KIR2DL1: variants seen among roughly 807,000 people sequenced by gnomAD.
KIR2DL1 encodes killer cell immunoglobulin-like receptor 2DL1.
Under a neutral mutation model 33.9 loss-of-function variants are expected in KIR2DL1, and 38 were observed. The observed-to-expected ratio is 1.12, with a 90% CI of 0.86 to 1.47. The LOEUF (loss-of-function observed/expected upper bound fraction) is 1.47, where lower values mean the gene tolerates loss of function less well. Ranked by LOEUF, KIR2DL1 falls within the 40% of genes most tolerant of loss-of-function variation. The pLI is 0.00. For missense variants in KIR2DL1, 531 were observed against 433.9 expected, an observed-to-expected ratio of 1.22 and a Z score of -1.99; for synonymous variants, 179 against 165.9, an observed-to-expected ratio of 1.08 and a Z score of -0.61.
At position 54,774,299 on chromosome 19, in the gene KIR2DL1, G is replaced by A. The variant is rs1349912791; in HGVS notation, c.370+667G>A. Among the ~76,000 whole-genome samples the A allele has an allele frequency of 1.4e-5, 2 of 148,040 alleles. 1 individual carries two copies. The highest frequency in any genetic ancestry group is 3.0e-5 in the Non-Finnish European group (2 of 66,142). ...TAAACACACAGAGAATGAGCCAGAG[G>A]AAGGAGATTGAGAGACTCACAGACA... On this transcript the variant is annotated intron_variant, in intron 3 of 7. Coordinates refer to ENST00000336077, the MANE Select transcript of KIR2DL1 (RefSeq NM_014218.3).
rs2756923 is a variant in KIR2DL1 at position 54,783,763 on chromosome 19, A to C, written c.997A>C (p.Thr333Pro). The C allele has an allele frequency of 2.5e-6, 4 of 1,612,486 alleles. No homozygotes were observed. The highest frequency in any genetic ancestry group is 3.4e-6 in the Non-Finnish European group (4 of 1,179,476). The change falls in exon 8 of 8, where the codon ACG becomes CCG. Residue 333 changes from threonine (T) to proline (P), a missense_variant. Coordinates refer to ENST00000336077, the MANE Select transcript of KIR2DL1 (RefSeq NM_014218.3). ...ACCCCCAACAGATATCATCGTGTACACGGAACTTCCAAATGCTGAGTCCAG... is the reference window on the plus strand; with the variant it reads ...ACCCCCAACAGATATCATCGTGTACCCGGAACTTCCAAATGCTGAGTCCAG... ...KTPPTDIIVY[T>P]ELPNAESRSK...
In KIR2DL1 at chr19:54,778,773, C is replaced by T. The variant is rs530298930; in HGVS notation, c.715+111C>T. The T allele has an allele frequency of 2.9e-5, 36 of 1,251,428 alleles. No individual in the cohort carries two copies. In the African/African-American group the frequency reaches 4.0e-4, roughly 14 times the overall value. 77.5% of individuals were successfully genotyped at this position (1,251,428 alleles called of 1,614,324 possible). On this transcript the variant is annotated intron_variant, in intron 5 of 7. Transcript: ENST00000336077. ...GCTCTGACATTGTACACTTGTCTTC[C>T]ACCATCTCCGAACTCCAGATACTCC...
At chr19:54,774,813 A>G (rs1345563850) in intron 3 of KIR2DL1, among the ~76,000 whole-genome samples, 2 of 148,648 alleles carry the variant, frequency 1.3e-5, no homozygotes, top group East Asian at 1.9e-4. Context: ...AGATAAATAG[A>G]TAGATCGATA....
At chr19:54,782,090 A>C (rs2077028937) in intron 5 of KIR2DL1, among the ~76,000 whole-genome samples, 1 of 151,958 alleles carries the variant, frequency 6.6e-6, no homozygotes, top group South Asian at 2.1e-4. Context: ...AAGGCTCAGA[A>C]AAGCTCCTCG....
At chr19:54,776,979 C>G (rs1440726060) in intron 4 of KIR2DL1, among the ~76,000 whole-genome samples, 2 of 150,262 alleles carry the variant, frequency 1.3e-5, no homozygotes, top group Admixed American at 6.7e-5. Context: ...TACTTTTCTC[C>G]GTAATGGCTG....
At chr19:54,774,064 GAT>G (rs796945601) in intron 3 of KIR2DL1, among the ~76,000 whole-genome samples, 4 of 147,830 alleles carry the variant, frequency 2.7e-5, no homozygotes, top group Admixed American at 6.8e-5. Flanking sequence ...GGCACCTACA[GAT>G]GCCATGTTTA....
In KIR2DL1 at chr19:54,783,528, C is replaced by T. The variant is rs199605812; in HGVS notation, c.860C>T (p.Ala287Val). The T allele has an allele frequency of 8.9e-5, 144 of 1,613,286 alleles. 1 individual carries two copies. The highest frequency in any genetic ancestry group is 1.6e-4 in the Middle Eastern group (1 of 6,062). Residue 287 changes from alanine (A) to valine (V), a missense_variant, in exon 7 of 8, where the codon GCG (alanine) becomes GTG (valine). Coordinates refer to ENST00000336077, the MANE Select transcript of KIR2DL1 (RefSeq NM_014218.3). The stretch of plus-strand genomic sequence containing the variant: ...CAAGAGTCTGCAGGAAACAGAACAG[C>T]GAATAGCGAGGTAGGTACTCCTCGG... ...MDQESAGNRT[A>V]NSEDSDEQDP...
At position 54,770,208 on chromosome 19, in the gene KIR2DL1, G is replaced by T. The variant is rs1295854938; in HGVS notation, c.34+324G>T. ...ATATGGGCCTGGAGTGGAGTCATGG[G>T]CCTGGAGGTGGAGTTATGGGCCTGC... is the stretch of plus-strand genomic sequence containing the variant. On this transcript the variant is annotated intron_variant, in intron 1 of 7. Transcript: ENST00000336077. 4.2e-5 allele frequency among the ~76,000 whole-genome samples: 6 copies of T among 143,552 alleles called. 1 individual carries two copies. Among genetic ancestry groups the T allele is most frequent in the African/African-American group, 1.3e-4 (5 of 39,352 alleles). The allele number at this position is 143,552 out of a possible 152,430, so 94.2% of individuals were successfully genotyped here. A position where few individuals can be genotyped will look rare whatever the true frequency, so the allele number is the denominator to read the frequency against.
chr19:54,776,416 G>A lies in KIR2DL1; in HGVS notation c.664+958G>A, dbSNP rs2076347574. ...TCCATGTGGCTGCAAATGACAGGAT[G>A]TTATTCTTTCTATGGATGAGTAGTC... On this transcript the variant is annotated intron_variant, in intron 4 of 7. Transcript: ENST00000336077. Among the ~76,000 whole-genome samples the A allele has an allele frequency of 2.7e-5, 4 of 146,158 alleles. No homozygotes were observed. In the South Asian group the frequency reaches 8.6e-4, roughly 32 times the overall value.
At chr19:54,781,265 T>C (rs943607318) in intron 5 of KIR2DL1, among the ~76,000 whole-genome samples, 2 of 145,728 alleles carry the variant, frequency 1.4e-5, no homozygotes, top group African/African-American at 5.0e-5. Flanking sequence ...TTTCTATTTC[T>C]CTATAATTAC....
rs1275108732 is a variant in KIR2DL1 at position 54,783,494 on chromosome 19, G to A, written c.826G>A (p.Val276Ile). Residue 276 changes from valine to isoleucine, a missense_variant, in exon 7 of 8, where the codon GTA becomes ATA. Coordinates refer to ENST00000336077, the MANE Select transcript of KIR2DL1 (RefSeq NM_014218.3). ...ACTTCCATCTTCTACAGATGCTGCG[G>A]TAATGGACCAAGAGTCTGCAGGAAA... ...RWCSNKKNAA[V>I]MDQESAGNRT... The A allele has an allele frequency of 1.2e-6, 2 of 1,613,524 alleles. No homozygotes were observed. Among genetic ancestry groups the A allele is most frequent in the Admixed American group, 1.7e-5 (1 of 59,962 alleles).
intron 5 of KIR2DL1, among the ~76,000 whole-genome samples, chr19:54,781,072 G>T (rs968786213): frequency 2.1e-5 from 2 of 93,942 alleles, no homozygotes; most frequent in African/African-American, 8.6e-5. Context: ...TCCTATTCTG[G>T]AGGATGAAGC....
chr19:54,778,496 T>G lies in KIR2DL1; in HGVS notation c.665-116T>G. On this transcript the variant is annotated intron_variant, in intron 4 of 7. Coordinates refer to ENST00000336077, the MANE Select transcript of KIR2DL1 (RefSeq NM_014218.3). ...ATTATGGAAAAAAGGATCCCAGGACTCCCAGGGCTCAATATTAGATAAGAG... is the reference window on the plus strand; with the variant it reads ...ATTATGGAAAAAAGGATCCCAGGACGCCCAGGGCTCAATATTAGATAAGAG... The G allele has an allele frequency of 1.5e-5, 16 of 1,057,956 alleles. 3 individuals carry two copies. In the South Asian group the frequency reaches 2.7e-4, roughly 18 times the overall value. 65.5% of individuals were successfully genotyped at this position (1,057,956 alleles called of 1,614,324 possible).
At position 54,781,882 on chromosome 19, in the gene KIR2DL1, T is replaced by A. The variant is rs769176140; in HGVS notation, c.716-1040T>A. On this transcript the variant is annotated intron_variant, in intron 5 of 7. Coordinates refer to ENST00000336077, the MANE Select transcript of KIR2DL1 (RefSeq NM_014218.3). The stretch of plus-strand genomic sequence containing the variant: ...AACCCTAAAGCACATTCGCTGTGAA[T>A]CAATCCCAGTCCAGTCTTCCCAGAG... Among the ~76,000 whole-genome samples, 1,322 of 151,982 alleles carry A rather than the reference T, an allele frequency of 8.7e-3. 21 individuals carry two copies. The highest frequency in any genetic ancestry group is 0.013 in the Non-Finnish European group (855 of 67,794).
intron 2 of KIR2DL1, among the ~76,000 whole-genome samples, chr19:54,772,484 A>G (rs2147440696): frequency 6.9e-6 from 1 of 145,812 alleles, no homozygotes; most frequent in Non-Finnish European, 1.5e-5. Flanking sequence ...TGCTTCTGAT[A>G]ATTTTCTACA....
intron 2 of KIR2DL1, among the ~76,000 whole-genome samples, chr19:54,772,680 T>C (rs1280994699): frequency 1.4e-5 from 2 of 144,512 alleles, no homozygotes; most frequent in South Asian, 2.2e-4. Flanking sequence ...CACTCCAGCC[T>C]GGGCAAAGGA....
chr19:54,783,782 A>C lies in KIR2DL1; in HGVS notation c.1016A>C (p.Glu339Ala), dbSNP rs775784452. ...GTGTACACGGAACTTCCAAATGCTG[A>C]GTCCAGATCCAAAGTTGTCTCCTGC... is the stretch of plus-strand genomic sequence containing the variant. ...IIVYTELPNA[E>A]SRSKVVSCP The change falls in exon 8 of 8, where the codon GAG (glutamate) becomes GCG (alanine). Residue 339 changes from glutamate to alanine, a missense_variant. By Grantham distance (107) the Glu-to-Ala change is moderately radical. Coordinates refer to ENST00000336077, the MANE Select transcript of KIR2DL1 (RefSeq NM_014218.3). The C allele has an allele frequency of 6.2e-7, 1 of 1,614,004 alleles. No homozygotes were observed. Among genetic ancestry groups the C allele is most frequent in the East Asian group, 2.2e-5 (1 of 44,882 alleles).
At chr19:54,777,301 G>T (rs28829354) in intron 4 of KIR2DL1, among the ~76,000 whole-genome samples, 35,669 of 135,870 alleles carry the variant, frequency 0.26, 1,995 homozygotes, top group South Asian at 0.38. Flanking sequence ...ATGTGGGTCA[G>T]ACTGGTCTCA....
At position 54,773,445 on chromosome 19, in the gene KIR2DL1, CAG is replaced by C; in HGVS notation, c.188_189del (p.Glu63GlyfsTer4). The C allele has an allele frequency of 1.3e-6, 2 of 1,589,626 alleles. No homozygotes were observed. Among genetic ancestry groups the C allele is most frequent in the East Asian group, 2.2e-5 (1 of 44,678 alleles). ...TCATGTTTGAACACTTCCTTCTGCACAGAGAGGGGATGTTTAACGACACTTTG... is the reference window on the plus strand; with the variant it reads ...TCATGTTTGAACACTTCCTTCTGCACAGAGGGGATGTTTAACGACACTTTG... The part of the protein sequence containing the change: ...DVMFEHFLLH[R>X]EGMFNDTLRL... On this transcript the variant is annotated frameshift_variant, in exon 3 of 8. Transcript: ENST00000336077. LOFTEE classifies it high-confidence loss of function.
Sources: gnomAD v4.1 joint callset for allele counts (sites outside exome capture counted in the v4.1 genomes callset) on GRCh38, gnomAD v4.1.1 for gene constraint, MANE v1.5 for transcripts, NCBI Gene and HGNC (gene_info 2026-07-23, HGNC 2026-07-21) for gene names.